The following MAPK10 variants were observed in gnomAD, a reference collection of about 807,000 sequenced individuals.
MAPK10 encodes JNK3 alpha protein kinase.
Under a neutral mutation model 59.3 loss-of-function variants are expected in MAPK10, and 25 were observed. That is an observed-to-expected ratio of 0.42 (90% CI 0.31 to 0.59). The LOEUF (loss-of-function observed/expected upper bound fraction) is 0.59, where lower values mean the gene tolerates loss of function less well. Among genes scored for constraint, MAPK10 ranks in the 20% least tolerant of loss-of-function variants. MAPK10 has a pLI of 0.15. For missense variants in MAPK10, 351 were observed against 568.9 expected, an observed-to-expected ratio of 0.62 and a Z score of 3.90; for synonymous variants, 190 against 200.5, an observed-to-expected ratio of 0.95 and a Z score of 0.44.
intron 1 of MAPK10, among the ~76,000 whole-genome samples, chr4:86,475,832 C>T (rs1753045708): frequency 6.6e-6 from 1 of 151,960 alleles, no homozygotes; most frequent in Admixed American, 6.6e-5. Flanking sequence ...TCACTATGGG[C>T]AGCCTTCACC....
At chr4:86,091,040 C>T (rs2149049599) in intron 9 of MAPK10, 1 of 152,006 alleles carries the variant, frequency 6.6e-6, no homozygotes, top group African/African-American at 2.4e-5. Flanking sequence ...ATTTTATCCC[C>T]TAAAATATTG....
rs555425772 is a variant in MAPK10, at chr4:86,305,021, C to G, written c.-7+49509G>C. On this transcript the variant is annotated intron_variant, in intron 2 of 13. Coordinates refer to ENST00000641462, the MANE Select transcript of MAPK10 (RefSeq NM_138982.4). ...AATAATGTGTCATCACTTACACCCACCAGAGTGTTTAAAATTAAAATACTA... is the reference window on the plus strand; with the variant it reads ...AATAATGTGTCATCACTTACACCCAGCAGAGTGTTTAAAATTAAAATACTA... Among the ~76,000 whole-genome samples the G allele has an allele frequency of 9.2e-5, 14 of 152,156 alleles. No homozygotes were observed. In the East Asian group the frequency reaches 2.7e-3, roughly 29 times the overall value.
At chr4:86,357,918 G>A (rs1735340251) in intron 1 of MAPK10, 1 of 195,782 alleles carries the variant, frequency 5.1e-6, no homozygotes, top group Non-Finnish European at 9.3e-6. Context: ...GAGGAAGCAT[G>A]AAGACTCTCT....
At chr4:86,052,698 T>C (rs1314855247) in intron 11 of MAPK10, among the ~76,000 whole-genome samples, 1 of 152,058 alleles carries the variant, frequency 6.6e-6, no homozygotes. Context: ...TCGGGTGTTG[T>C]TGTTGCTGTT....
intron 9 of MAPK10, among the ~76,000 whole-genome samples, chr4:86,096,715 G>A (rs1330291833): frequency 6.6e-6 from 1 of 151,872 alleles, no homozygotes; most frequent in East Asian, 1.9e-4. Flanking sequence ...TTTGAATAAA[G>A]TCAGCACATT....
rs1743003392 is a variant in MAPK10, at chr4:86,396,796, A to ATGAGGGATCCACTCTCATGACC, written c.-121-42174_-121-42153dup. Among the ~76,000 whole-genome samples the ATGAGGGATCCACTCTCATGACC allele has an allele frequency of 8.5e-5, 13 of 152,326 alleles. 1 individual carries two copies. The South Asian group carries it at 2.7e-3, about 32-fold the overall frequency. On this transcript the variant is annotated intron_variant, in intron 1 of 13. Coordinates refer to the MAPK10 transcript ENST00000361569. ...ACTATTGTGAGAACAGCACCAAGTCATGAGGGATCCACTCTCATGACCTAA... is the reference window on the plus strand; with the variant it reads ...ACTATTGTGAGAACAGCACCAAGTCATGAGGGATCCACTCTCATGACCTGAGGGATCCACTCTCATGACCTAA...
At position 86,064,685 on chromosome 4, in the gene MAPK10, C is replaced by T. The variant is rs577651776; in HGVS notation, c.986-295G>A. On this transcript the variant is annotated intron_variant, in intron 10 of 13. Transcript: ENST00000641462. ...GGAGAGTTTATGTAAGCAAAGTCAT[C>T]TTCTTTGGTAACCTGCATGAATATA... 9.1e-6 allele frequency: 3 copies of T among 330,014 alleles called. No individual in the cohort carries two copies. In the East Asian group the frequency reaches 1.9e-4, roughly 21 times the overall value. 20.4% of individuals were successfully genotyped at this position (330,014 alleles called of 1,614,324 possible).
intron 4 of MAPK10, chr4:86,127,453 A>G (rs191088864): frequency 2.6e-5 from 4 of 152,164 alleles, no homozygotes; most frequent in Non-Finnish European, 5.9e-5. Flanking sequence ...TAGTTTTCAT[A>G]CTTTAAAATT....
At chr4:86,345,181 C>A (rs942355623) in intron 2 of MAPK10, among the ~76,000 whole-genome samples, 1 of 152,136 alleles carries the variant, frequency 6.6e-6, no homozygotes. Context: ...GCCTTCTGAG[C>A]CCCCTCTTCC....
chr4:86,219,310 C>A (rs563330070), intron 2 of MAPK10, among the ~76,000 whole-genome samples: 4 of 152,274 alleles, frequency 2.6e-5, no homozygotes, highest in African/African-American at 7.2e-5. Flanking sequence ...CACATTACTA[C>A]AAACTTGAGT....
intron 1 of MAPK10, among the ~76,000 whole-genome samples, chr4:86,431,083 AGG>A (rs1244318083): frequency 6.6e-6 from 1 of 152,010 alleles, no homozygotes; most frequent in Non-Finnish European, 1.5e-5. Context: ...GGAGAGAGAG[AGG>A]AAGAGAGGAA....
chr4:86,168,519 G>A (rs918842539), intron 3 of MAPK10, among the ~76,000 whole-genome samples: 5 of 152,342 alleles, frequency 3.3e-5, no homozygotes, highest in Non-Finnish European at 7.3e-5. Context: ...AGAGGCGCCC[G>A]CCATTGCCCA....
At chr4:86,544,936 AAGG>A (rs1434831840) in intron 1 of MAPK10, among the ~76,000 whole-genome samples, 1 of 152,022 alleles carries the variant, frequency 6.6e-6, no homozygotes, top group Non-Finnish European at 1.5e-5. Flanking sequence ...CTTGCTTCCA[AAGG>A]AGAAGTTTGA....
chr4:86,535,004 G>A (rs1441383518), intron 1 of MAPK10, among the ~76,000 whole-genome samples: 1 of 152,164 alleles, frequency 6.6e-6, no homozygotes, highest in East Asian at 1.9e-4. Context: ...TAGGAGCAAA[G>A]GATAAAACGT....
chr4:86,451,083 A>C (rs530969727), intron 1 of MAPK10, among the ~76,000 whole-genome samples: 1 of 152,326 alleles, frequency 6.6e-6, no homozygotes, highest in East Asian at 1.9e-4. Flanking sequence ...ACAAGGTAAC[A>C]AAGGCTTAAA....
intron 1 of MAPK10, among the ~76,000 whole-genome samples, chr4:86,558,337 GC>G (rs1291128656): frequency 2.0e-5 from 3 of 152,060 alleles, no homozygotes; most frequent in African/African-American, 7.2e-5. Context: ...TAAAGACGAG[GC>G]TTTGTACTTA....
At chr4:86,567,911 C>T (rs1761172070) in intron 1 of MAPK10, among the ~76,000 whole-genome samples, 1 of 151,966 alleles carries the variant, frequency 6.6e-6, no homozygotes, top group Non-Finnish European at 1.5e-5. Context: ...AGTAAACCTT[C>T]GCAATAAAAA....
intron 2 of MAPK10, among the ~76,000 whole-genome samples, chr4:86,265,044 C>T (rs1299295916): frequency 2.0e-5 from 3 of 151,754 alleles, no homozygotes; most frequent in Non-Finnish European, 2.9e-5. Context: ...GTGTGTGCTA[C>T]GACACCCAGC....
At chr4:86,092,554 TCTA>T (rs1460979689) in intron 9 of MAPK10, among the ~76,000 whole-genome samples, 2 of 151,974 alleles carry the variant, frequency 1.3e-5, no homozygotes, top group African/African-American at 2.4e-5. Flanking sequence ...AAGCCTTCCC[TCTA>T]CTAATATCTC....
Sources: allele counts gnomAD v4.1 joint callset (sites outside exome capture counted in the v4.1 genomes callset), GRCh38; gene constraint gnomAD v4.1.1; transcripts MANE v1.5; gene names NCBI Gene and HGNC (gene_info 2026-07-23, HGNC 2026-07-21).